Variants in CLDN14 observed in about 807,000 individuals in gnomAD.
CLDN14 encodes claudin-14.
Under a neutral mutation model 2.1 loss-of-function variants are expected in CLDN14, and 2 were observed. The ratio of observed to expected loss-of-function variants is 0.96; its 90% CI spans 0.39 to 3.01. The LOEUF (loss-of-function observed/expected upper bound fraction) is 3.01, where lower values mean the gene tolerates loss of function less well. Among genes scored for constraint, CLDN14 ranks in the 30% most tolerant of loss-of-function variants. The probability of loss-of-function intolerance (pLI) is 0.09; values close to 1 mark genes in which losing one functional copy is unlikely to be tolerated. For missense variants in CLDN14, 298 were observed against 328.0 expected (o/e 0.91, Z 0.71); for synonymous variants, 136 against 154.4 (o/e 0.88, Z 0.88).
intron 2 of CLDN14, among the ~76,000 whole-genome samples, chr21:36,506,176 A>T (rs1253994151): frequency 6.6e-6 from 1 of 152,262 alleles, no homozygotes; most frequent in African/African-American, 2.4e-5. Context: ...CACACAGATT[A>T]GTATGCACCA....
chr21:36,462,421 C>G (rs1020608579), intron 1 of CLDN14, among the ~76,000 whole-genome samples: 1 of 152,104 alleles, frequency 6.6e-6, no homozygotes, highest in East Asian at 1.9e-4. Context: ...GCACGGACCT[C>G]CGCTCCCAAC....
rs140113214 is a variant in CLDN14 at position 36,568,629 on chromosome 21, G to A, written c.-220+7782C>T. On this transcript the variant is annotated intron_variant, in intron 1 of 2. Coordinates refer to the CLDN14 transcript ENST00000342108. ...AGTCACAGTTACTTGGGAGGCTGAT[G>A]TGGGAGGATCGCTTGAGCCCAGGAG... Among the ~76,000 whole-genome samples, 13 of 152,372 alleles carry A rather than the reference G, an allele frequency of 8.5e-5. No individual in the cohort carries two copies. The East Asian group carries it at 2.3e-3, about 27-fold the overall frequency.
At chr21:36,532,591 T>TAAA (rs1003635891) in intron 1 of CLDN14, among the ~76,000 whole-genome samples, 1 of 151,540 alleles carries the variant, frequency 6.6e-6, no homozygotes, top group African/African-American at 2.4e-5. Flanking sequence ...AAACTTAAAG[T>TAAA]ATAATAATAA....
chr21:36,560,047 G>A (rs2087623034), intron 1 of CLDN14, among the ~76,000 whole-genome samples: 1 of 152,190 alleles, frequency 6.6e-6, no homozygotes, highest in Admixed American at 6.5e-5. Flanking sequence ...GTTTGACTTA[G>A]AAATGTACAT....
chr21:36,559,386 G>C (rs760472977), intron 1 of CLDN14, among the ~76,000 whole-genome samples: 1 of 152,054 alleles, frequency 6.6e-6, no homozygotes, highest in Non-Finnish European at 1.5e-5. Flanking sequence ...TAGTAGAGAC[G>C]GGGTTTCGCC....
intron 1 of CLDN14, among the ~76,000 whole-genome samples, chr21:36,514,948 A>T (rs576201002): frequency 3.7e-4 from 56 of 152,120 alleles, no homozygotes; most frequent in Non-Finnish European, 7.4e-4. Context: ...ACTCAGAGCG[A>T]CTTGAAAGTG....
chr21:36,528,920 G>C (rs185605321), intron 1 of CLDN14, among the ~76,000 whole-genome samples: 1 of 152,178 alleles, frequency 6.6e-6, no homozygotes, highest in Non-Finnish European at 1.5e-5. Context: ...TGAGGAGGAC[G>C]CGAGCTCGGC....
In CLDN14 at chr21:36,570,477, G is replaced by A. The variant is rs75728094; in HGVS notation, c.-220+5934C>T. ...CTGAGAGGAGGGTTCCATTCAGATG[G>A]TTGAGGGGTACTTAAACTTTCGTTT... On this transcript the variant is annotated intron_variant, in intron 1 of 2. Coordinates refer to the CLDN14 transcript ENST00000342108. Among the ~76,000 whole-genome samples, 250 of 152,278 alleles carry A rather than the reference G, an allele frequency of 1.6e-3. 1 individual carries two copies. Among genetic ancestry groups the A allele is most frequent in the African/African-American group, 5.8e-3 (241 of 41,540 alleles).
chr21:36,524,044 C>G (rs1336051323), intron 1 of CLDN14, among the ~76,000 whole-genome samples: 2 of 151,920 alleles, frequency 1.3e-5, no homozygotes. Flanking sequence ...TCTCCAAGCA[C>G]AAGGAAACTT....
At chr21:36,469,489 A>G (rs1408354502) in intron 1 of CLDN14, among the ~76,000 whole-genome samples, 2 of 152,212 alleles carry the variant, frequency 1.3e-5, no homozygotes, top group African/African-American at 2.4e-5. Flanking sequence ...ACTGCTTGCT[A>G]TTGTTATTTA....
chr21:36,499,656 G>A lies in CLDN14; in HGVS notation c.-82+10707C>T, dbSNP rs2087074865. ...TGTCAGCCCCTGTTCCAGTCCACGT[G>A]ACTCTTATGCATCATGATGTTGAGA... On this transcript the variant is annotated intron_variant, in intron 2 of 2. Coordinates refer to the CLDN14 transcript ENST00000342108. This position sits in a 1 kb window ranked among gnomAD's most constrained non-coding sequence, Gnocchi z 4.7. Among the ~76,000 whole-genome samples the A allele has an allele frequency of 6.6e-6, 1 of 152,146 alleles. No homozygotes were observed. The highest frequency in any genetic ancestry group is 2.1e-4 in the South Asian group (1 of 4,824).
intron 2 of CLDN14, among the ~76,000 whole-genome samples, chr21:36,494,697 G>A (rs1348157112): frequency 6.6e-6 from 1 of 152,178 alleles, no homozygotes; most frequent in East Asian, 1.9e-4. Context: ...ATGACCCTGG[G>A]ATGGCACAGG....
At chr21:36,547,929 C>A (rs1262761930) in intron 1 of CLDN14, among the ~76,000 whole-genome samples, 2 of 152,210 alleles carry the variant, frequency 1.3e-5, no homozygotes, top group African/African-American at 4.8e-5. Context: ...AAAGGCCCAG[C>A]GAACACATCT....
chr21:36,540,073 AGTGT>A (rs1486647231), intron 1 of CLDN14, among the ~76,000 whole-genome samples: 1 of 145,340 alleles, frequency 6.9e-6, no homozygotes, highest in East Asian at 2.1e-4. Context: ...GTGTGGAGTG[AGTGT>A]GTGTTGTGTG....
chr21:36,526,965 G>T (rs1438503260), intron 1 of CLDN14, among the ~76,000 whole-genome samples: 1 of 152,154 alleles, frequency 6.6e-6, no homozygotes, highest in Non-Finnish European at 1.5e-5. Flanking sequence ...CAAAGCACTG[G>T]GTTCCCCAAA....
intron 1 of CLDN14, among the ~76,000 whole-genome samples, chr21:36,512,265 G>C (rs2087192661): frequency 6.6e-6 from 1 of 152,194 alleles, no homozygotes; most frequent in African/African-American, 2.4e-5. Context: ...ATGGAAGAGT[G>C]ACAAACTGAT....
At chr21:36,514,618 AGAAAGTGTGTGTGTGTGTGTGTGTGT>A (rs1168791351) in intron 1 of CLDN14, among the ~76,000 whole-genome samples, 1 of 135,192 alleles carries the variant, frequency 7.4e-6, no homozygotes, top group African/African-American at 3.0e-5. Context: ...TTATCGTGAG[AGAAAGTGTGTGTGTGTGTGTGTGTGT>A]GTGTGTGTGT....
chr21:36,480,376 G>C (rs547292074), upstream of CLDN14: 1 of 152,376 alleles, frequency 6.6e-6, no homozygotes, highest in South Asian at 2.1e-4. Context: ...ACGGAAGAAG[G>C]TGACTTTCTT....
At chr21:36,569,648 C>T (rs565220397) in intron 1 of CLDN14, among the ~76,000 whole-genome samples, 6 of 152,248 alleles carry the variant, frequency 3.9e-5, no homozygotes, top group South Asian at 4.2e-4. Flanking sequence ...GAAGAGCTGA[C>T]GGAGAACCTA....
Sources: allele counts gnomAD v4.1 joint callset (sites outside exome capture counted in the v4.1 genomes callset), GRCh38; gene constraint gnomAD v4.1.1; non-coding constraint Gnocchi (gnomAD v3.1); transcripts MANE v1.5; gene names NCBI Gene and HGNC (gene_info 2026-07-23, HGNC 2026-07-21).